Variants in SNX18 observed in about 807,000 individuals in gnomAD.
SNX18 encodes the protein sorting nexin-18.
A neutral mutation model predicts 48.7 loss-of-function variants in SNX18; 35 were observed. The observed-to-expected ratio is 0.72, with a 90% confidence interval of 0.55 to 0.95. The LOEUF (loss-of-function observed/expected upper bound fraction) is 0.95. SNX18 is among the 40% of genes least tolerant of loss of function. The pLI, the probability that SNX18 is intolerant of heterozygous loss-of-function variation, is 0.00. For synonymous variants in SNX18, 492 were observed against 384.7 expected (o/e 1.28, Z -3.26); for missense variants, 824 against 871.0 (o/e 0.95, Z 0.68).
the SNX18 span, among the ~76,000 whole-genome samples, chr5:54,583,610 T>C: frequency 2.0e-5 from 3 of 152,242 alleles, no homozygotes; most frequent in South Asian, 4.1e-4. Flanking sequence ...CAAGTTATTT[T>C]ACCAATGCTT....
chr5:54,638,345 T>C, the SNX18 span, among the ~76,000 whole-genome samples: 1 of 152,352 alleles, frequency 6.6e-6, no homozygotes, highest in Non-Finnish European at 1.5e-5. Context: ...ACAGATATCC[T>C]GAGCGTATGC....
At chr5:54,520,972 C>T (rs1762020277) in intron 1 of SNX18, 1 of 166,934 alleles carries the variant, frequency 6.0e-6, no homozygotes, top group Non-Finnish European at 1.5e-5. Context: ...AATCATATTG[C>T]TGTTGGCCTG....
intron 1 of SNX18, chr5:54,520,313 G>C (rs1443686088): frequency 5.7e-6 from 1 of 174,708 alleles, no homozygotes; most frequent in African/African-American, 2.4e-5. Flanking sequence ...GAGTTCATGA[G>C]TTATTAATAG....
chr5:54,567,318 G>A, the SNX18 span, among the ~76,000 whole-genome samples: 2 of 152,018 alleles, frequency 1.3e-5, no homozygotes, highest in Non-Finnish European at 2.9e-5. Context: ...ATGAGTGACA[G>A]TGAGCTTTTT....
At chr5:54,641,067 GA>G in the SNX18 span, among the ~76,000 whole-genome samples, 70 of 148,588 alleles carry the variant, frequency 4.7e-4, no homozygotes, top group Non-Finnish European at 4.3e-4. Flanking sequence ...CTCATAAAAA[GA>G]AAAAAAAAAT....
At chr5:54,552,624 G>T in the SNX18 span, among the ~76,000 whole-genome samples, 1 of 152,168 alleles carries the variant, frequency 6.6e-6, no homozygotes, top group Non-Finnish European at 1.5e-5. Context: ...GATGCCATCG[G>T]CACGGTGGAG....
the SNX18 span, among the ~76,000 whole-genome samples, chr5:54,609,929 G>A: frequency 5.3e-5 from 8 of 152,008 alleles, no homozygotes; most frequent in Non-Finnish European, 8.8e-5. Context: ...GGAATAGTGA[G>A]TGAATTCTCG....
At chr5:54,586,593 T>C in the SNX18 span, among the ~76,000 whole-genome samples, 1 of 152,222 alleles carries the variant, frequency 6.6e-6, no homozygotes, top group Non-Finnish European at 1.5e-5. Context: ...GAACTCATTG[T>C]TTAATGAAAA....
rs1435428634 is a variant in SNX18 at position 54,518,859 on chromosome 5, A to G, written c.907A>G (p.Thr303Ala). The change falls in exon 1 of 2, where the codon ACG becomes GCG. Residue 303 changes from threonine to alanine, a missense_variant. This residue lies in a region of SNX18 where 443 missense variants were observed against 503.6 expected (regional missense o/e 0.88). Coordinates refer to ENST00000381410, the MANE Select transcript of SNX18 (RefSeq NM_001102575.2). ...KSYISYKLVPTHTQVPVHRRY... is the reference protein window; with the variant it reads ...KSYISYKLVPAHTQVPVHRRY... ...CTACATCTCCTACAAGCTGGTGCCC[A>G]CGCACACGCAGGTGCCGGTGCATCG... 1.1e-5 allele frequency: 18 copies of G among 1,613,038 alleles called. No homozygotes were observed. The highest frequency in any genetic ancestry group is 1.5e-5 in the Non-Finnish European group (18 of 1,179,376).
chr5:54,555,632 C>G, the SNX18 span, among the ~76,000 whole-genome samples: 1 of 151,896 alleles, frequency 6.6e-6, no homozygotes, highest in African/African-American at 2.4e-5. Context: ...GCCAGGAATT[C>G]AAGGCCAACA....
At chr5:54,640,233 G>A in the SNX18 span, among the ~76,000 whole-genome samples, 13 of 147,528 alleles carry the variant, frequency 8.8e-5, no homozygotes, top group African/African-American at 1.8e-4. Flanking sequence ...TCTTTTGTAA[G>A]ACAAGGTTTC....
intron 1 of SNX18, among the ~76,000 whole-genome samples, chr5:54,528,688 C>T (rs1211760684): frequency 2.6e-5 from 4 of 152,112 alleles, no homozygotes; most frequent in Non-Finnish European, 4.4e-5. Context: ...TGGACATGCA[C>T]CATGATGTGA....
the SNX18 span, among the ~76,000 whole-genome samples, chr5:54,562,048 T>G: frequency 6.6e-6 from 1 of 152,250 alleles, no homozygotes; most frequent in African/African-American, 2.4e-5. Context: ...ATATGTGTAG[T>G]GAAGTATTCT....
chr5:54,591,258 C>T, the SNX18 span, among the ~76,000 whole-genome samples: 1 of 152,044 alleles, frequency 6.6e-6, no homozygotes, highest in Non-Finnish European at 1.5e-5. Flanking sequence ...TAGTTCATTA[C>T]AGCCTCAACC....
the SNX18 span, among the ~76,000 whole-genome samples, chr5:54,606,468 T>C: frequency 6.6e-6 from 1 of 152,208 alleles, no homozygotes; most frequent in Non-Finnish European, 1.5e-5. Context: ...TGACCTCTGG[T>C]TGGCCATTGG....
At chr5:54,539,815 CT>C (rs1762430200) in intron 1 of SNX18, among the ~76,000 whole-genome samples, 4 of 110,552 alleles carry the variant, frequency 3.6e-5, no homozygotes, top group African/African-American at 1.6e-4. Flanking sequence ...AAAAATGAGT[CT>C]TTGGGTTTTT....
chr5:54,545,530 A>G lies in SNX18; in HGVS notation c.*2098A>G, dbSNP rs549084091. 1 of 152,278 alleles carries G rather than the reference A, an allele frequency of 6.6e-6. No individual in the cohort carries two copies. Among genetic ancestry groups the G allele is most frequent in the East Asian group, 1.9e-4 (1 of 5,190 alleles). The allele number at this position is 152,278 out of a possible 1,614,324, so 9.4% of individuals were successfully genotyped here. A position where few individuals can be genotyped will look rare whatever the true frequency, so the allele number is the denominator to read the frequency against. ...GGACATAGCTTAAATTATAAAAACT[A>G]AAGATGAAAGTACAAGGAAGTATAA... On this transcript the variant is annotated 3_prime_UTR_variant, in exon 2 of 2. Coordinates refer to ENST00000381410, the MANE Select transcript of SNX18 (RefSeq NM_001102575.2).
chr5:54,564,896 A>C, the SNX18 span, among the ~76,000 whole-genome samples: 4 of 151,566 alleles, frequency 2.6e-5, no homozygotes, highest in East Asian at 1.9e-4. Flanking sequence ...AACAAACAAA[A>C]AAAGATGTTG....
Position 54,543,704 on chromosome 5 carries a change from T to G in SNX18, c.*272T>G. The stretch of plus-strand genomic sequence containing the variant: ...TGGAATAATGATTATACTATTTGCC[T>G]TATTGCTTTTTGAAGTATGGGTATT... On this transcript the variant is annotated 3_prime_UTR_variant, in exon 2 of 2. Coordinates refer to ENST00000381410, the MANE Select transcript of SNX18 (RefSeq NM_001102575.2). 2.9e-6 allele frequency: 1 copy of G among 350,842 alleles called. No individual in the cohort carries two copies. Among genetic ancestry groups the G allele is most frequent in the Non-Finnish European group, 5.2e-6 (1 of 193,064 alleles). 21.7% of individuals were successfully genotyped at this position (350,842 alleles called of 1,614,324 possible). A position where few individuals can be genotyped will look rare whatever the true frequency, so the allele number is the denominator to read the frequency against.
Sources: gnomAD v4.1 joint callset for allele counts (sites outside exome capture counted in the v4.1 genomes callset) on GRCh38, gnomAD v4.1.1 for gene constraint, gnomAD v4.1.1 regional missense constraint, MANE v1.5 for transcripts, NCBI Gene and HGNC (gene_info 2026-07-23, HGNC 2026-07-21) for gene names.